The following CENPE variants were observed in gnomAD, a reference collection of about 807,000 sequenced individuals.
CENPE encodes the protein centromere-associated protein E.
CENPE carries 145 observed loss-of-function variants against 336.1 expected under a neutral mutation model. The observed-to-expected ratio is 0.43, with a 90% confidence interval of 0.38 to 0.50. The LOEUF is 0.50. Ranked by LOEUF, CENPE falls within the 20% of genes least tolerant of loss-of-function variation. The pLI is 0.00. For missense variants in CENPE, 2,719 were observed against 3,023.3 expected, an observed-to-expected ratio of 0.90 and a Z score of 2.36; for synonymous variants, 1,013 against 984.8, an observed-to-expected ratio of 1.03 and a Z score of -0.54.
chr4:103,132,585 A>C (rs1175437042), intron 42 of CENPE, 108 bp downstream of exon 42: 1 of 492,518 alleles, frequency 2.0e-6, no homozygotes, highest in Non-Finnish European at 3.6e-6. Context: ...ATTTTTTTAA[A>C]GCATATACAA....
chr4:103,128,971 CAAACTAAGA>C (rs1751359092), intron 42 of CENPE, among the ~76,000 whole-genome samples: 1 of 151,824 alleles, frequency 6.6e-6, no homozygotes, highest in Non-Finnish European at 1.5e-5. Context: ...TCTAGCTAGG[CAAACTAAGA>C]AAAAGAAAAA....
intron 29 of CENPE, among the ~76,000 whole-genome samples, 158 bp downstream of exon 29, chr4:103,147,198 G>A (rs1248370017): frequency 6.6e-6 from 1 of 151,882 alleles, no homozygotes; most frequent in Non-Finnish European, 1.5e-5. Context: ...GTATTCAAGA[G>A]CAATTTTTAA....
chr4:103,144,486 CTA>C lies in CENPE; in HGVS notation c.4988_4989del (p.Ile1663ArgfsTer13), dbSNP rs767055607. 1 of 1,614,090 alleles carries C rather than the reference CTA, an allele frequency of 6.2e-7. No individual in the cohort carries two copies. Among genetic ancestry groups the C allele is most frequent in the Non-Finnish European group, 8.5e-7 (1 of 1,180,018 alleles). On this transcript the variant is annotated frameshift_variant, in exon 33 of 49. Transcript: ENST00000265148. LOFTEE classifies it high-confidence loss of function. ...TGAGTCAACCTTATATTCTCCGTTTCTATGTTTTCCAGGTTTAACTTCTGGGT... is the reference window on the plus strand; with the variant it reads ...TGAGTCAACCTTATATTCTCCGTTTCTGTTTTCCAGGTTTAACTTCTGGGT... ...FETQKLNLEN[I>X]ETENIRLTQI...
chr4:103,157,059 CA>C (rs34199706), intron 24 of CENPE, among the ~76,000 whole-genome samples: 3,316 of 97,992 alleles, frequency 0.034, 63 homozygotes, highest in African/African-American at 0.11. Context: ...TGGCTACTAT[CA>C]AAAAAAAAAA....
intron 1 of CENPE, 50 bp from the exon 2 acceptor site, chr4:103,196,900 T>C (rs377305827): frequency 5.6e-5 from 48 of 852,322 alleles, no homozygotes; most frequent in Non-Finnish European, 8.7e-5. Flanking sequence ...AGTCATGTCA[T>C]AGGAGGAATA....
rs748753697 is a variant in CENPE at position 103,153,056 on chromosome 4, A to G, written c.3228T>C (p.Asn1076=). The G allele has an allele frequency of 2.7e-5, 43 of 1,608,688 alleles. No individual in the cohort carries two copies. The highest frequency in any genetic ancestry group is 5.1e-5 in the Admixed American group (3 of 59,194). Reference sequence around the variant, plus strand: ...CAGTGCTAAATCCTACCATTTCAATATTTTCCTTTAGGTCAGTCTTCAATT... The same window carrying G: ...CAGTGCTAAATCCTACCATTTCAATGTTTTCCTTTAGGTCAGTCTTCAATT... The part of the protein sequence containing the change: ...KEQLKTDLKE[N]IEMTIENQEE... The change falls in exon 25 of 49, where the codon AAT becomes AAC. Residue 1076 remains asparagine, a synonymous_variant. Coordinates refer to ENST00000265148, the MANE Select transcript of CENPE (RefSeq NM_001813.3).
In CENPE at chr4:103,115,034, G is replaced by A. The variant is rs372947237; in HGVS notation, c.7443-482C>T. Reference sequence around the variant, plus strand: ...AGTAGAAAGAGACATTTTATGAGTTGTTAGTTTACGCATTAATCAGTAACG... The same window carrying A: ...AGTAGAAAGAGACATTTTATGAGTTATTAGTTTACGCATTAATCAGTAACG... On this transcript the variant is annotated intron_variant, in intron 45 of 48. Coordinates refer to ENST00000265148, the MANE Select transcript of CENPE (RefSeq NM_001813.3). 3.9e-5 allele frequency among the ~76,000 whole-genome samples: 6 copies of A among 152,190 alleles called. No individual in the cohort carries two copies. In the East Asian group the frequency reaches 5.8e-4, roughly 15 times the overall value.
intron 24 of CENPE, among the ~76,000 whole-genome samples, 169 bp downstream of exon 24, chr4:103,158,131 A>G (rs1241329028): frequency 6.6e-6 from 1 of 151,898 alleles, no homozygotes; most frequent in African/African-American, 2.4e-5. Flanking sequence ...TTATAAACAT[A>G]TTCTATCATA....
At position 103,147,597 on chromosome 4, in the gene CENPE, ACTT is replaced by A; in HGVS notation, c.3890_3892del (p.Glu1297del). ...ATTCATTGTTTCCTGAGTCTCACTG[ACTT>A]CTTTCACATTAGGCAGTAACTCTTG... is the stretch of plus-strand genomic sequence containing the variant. On this transcript the variant is annotated inframe_deletion, in exon 29 of 49. Coordinates refer to ENST00000265148, the MANE Select transcript of CENPE (RefSeq NM_001813.3). 1 of 1,612,834 alleles carries A rather than the reference ACTT, an allele frequency of 6.2e-7. No individual in the cohort carries two copies. Among genetic ancestry groups the A allele is most frequent in the Non-Finnish European group, 8.5e-7 (1 of 1,179,584 alleles).
At chr4:103,146,210 G>T in intron 29 of CENPE, 103 bp from the exon 30 acceptor site, 1 of 1,036,510 alleles carries the variant, frequency 9.6e-7, no homozygotes, top group Non-Finnish European at 1.4e-6. Context: ...AGGATTCAGT[G>T]CCTCATTTAC....
At position 103,163,141 on chromosome 4, in the gene CENPE, G is replaced by T; in HGVS notation, c.1838C>A (p.Ser613Ter). The change falls in exon 18 of 49, where the codon TCA (serine) becomes TAA (stop). Residue 613 changes from serine (S) to a stop codon, truncating the protein, a stop_gained. Transcript: ENST00000265148. LOFTEE classifies it high-confidence loss of function. ...LENIKMDLSYSLESIEDPKQM... is the reference protein window; with the variant it reads ...LENIKMDLSY ...CAAAATACGCCTGATTTTTACCAAT[G>T]AGTATGACAAGTCCATTTTTATATT... 6.2e-7 allele frequency: 1 copy of T among 1,604,696 alleles called. No individual in the cohort carries two copies. The highest frequency in any genetic ancestry group is 1.1e-5 in the South Asian group (1 of 89,972).
chr4:103,158,827 A>G lies in CENPE; in HGVS notation c.2661T>C (p.Asn887=), dbSNP rs970056595. 2 of 1,612,404 alleles carry G rather than the reference A, an allele frequency of 1.2e-6. No homozygotes were observed. The highest frequency in any genetic ancestry group is 2.7e-5 in the African/African-American group (2 of 74,784). The change falls in exon 23 of 49, where the codon AAT becomes AAC. Residue 887 remains asparagine (N), a synonymous_variant. Transcript: ENST00000265148. ...EKTREVQERL[N]EMEQLKEQLE... ...ATTGTTCCTTCAGCTGTTCCATCTC[A>G]TTTAGTCTTTCTTGAACCTCACGTG...
intron 18 of CENPE, among the ~76,000 whole-genome samples, chr4:103,161,969 G>C (rs1754479758): frequency 6.6e-6 from 1 of 151,912 alleles, no homozygotes; most frequent in African/African-American, 2.4e-5. Context: ...AAAGAGAAGT[G>C]GCATTTTAAT....
At chr4:103,174,988 T>C (rs1755735103) in intron 15 of CENPE, 85 bp from the exon 16 acceptor site, 1 of 779,554 alleles carries the variant, frequency 1.3e-6, no homozygotes, top group Non-Finnish European at 1.9e-6. Context: ...TTTAAATAAC[T>C]ACTTTAACTT....
intron 9 of CENPE, among the ~76,000 whole-genome samples, chr4:103,183,702 T>TA (rs952723059): frequency 1.7e-4 from 26 of 151,510 alleles, no homozygotes; most frequent in African/African-American, 5.8e-4. Context: ...TCAAAAAGTT[T>TA]AAAAAAAAAG....
rs111987461 is a variant in CENPE, at chr4:103,153,251, C to T, written c.3034-1G>A. 4.3e-5 allele frequency: 68 copies of T among 1,593,998 alleles called. No individual in the cohort carries two copies. The highest frequency in any genetic ancestry group is 5.8e-5 in the Non-Finnish European group (68 of 1,169,980). On this transcript the variant is annotated splice_acceptor_variant, in intron 24 of 48. Coordinates refer to ENST00000265148, the MANE Select transcript of CENPE (RefSeq NM_001813.3). LOFTEE classifies it high-confidence loss of function. ...CCTGTTTTTTATCTATGCCAACCATCTAAAACATAAACACATTACAGAAGA... is the reference window on the plus strand; with the variant it reads ...CCTGTTTTTTATCTATGCCAACCATTTAAAACATAAACACATTACAGAAGA...
At chr4:103,176,594 A>C (rs946818665) in intron 14 of CENPE, among the ~76,000 whole-genome samples, 1 of 151,876 alleles carries the variant, frequency 6.6e-6, no homozygotes, top group African/African-American at 2.4e-5. Context: ...ACAGAGTTTC[A>C]CTCTTGTCAC....
Position 103,136,141 on chromosome 4 carries a change from C to T in CENPE, c.6522G>A (p.Lys2174=), listed in dbSNP as rs773627455. The T allele has an allele frequency of 3.1e-6, 5 of 1,607,818 alleles. No homozygotes were observed. In the South Asian group the frequency reaches 4.4e-5, roughly 14 times the overall value. The stretch of plus-strand genomic sequence containing the variant: ...AGGATATTACTAAAAAAGATGGTAC[C>T]TTCAGTTTCTTCATGATTCTGTGGA... The part of the protein sequence containing the change: ...MEFHRIMKKL[K]YVLSYVTKIK... The change falls in exon 40 of 49, where the codon AAG becomes AAA. Residue 2174 remains lysine, a splice_region_variant and synonymous_variant. Coordinates refer to ENST00000265148, the MANE Select transcript of CENPE (RefSeq NM_001813.3).
chr4:103,157,340 C>A (rs549113955), intron 24 of CENPE, among the ~76,000 whole-genome samples: 7 of 152,008 alleles, frequency 4.6e-5, no homozygotes, highest in African/African-American at 1.4e-4. Context: ...GTAGAAGCAA[C>A]GCAAGTGTCC....
Sources: gnomAD v4.1 joint callset for allele counts (sites outside exome capture counted in the v4.1 genomes callset) on GRCh38, gnomAD v4.1.1 for gene constraint, MANE v1.5 for transcripts, NCBI Gene and HGNC (gene_info 2026-07-23, HGNC 2026-07-21) for gene names.